The following ADGRD1 variants were observed in gnomAD, a reference collection of about 807,000 sequenced individuals.
ADGRD1 encodes adhesion G protein-coupled receptor D1, also known as G-protein coupled receptor 133.
In ADGRD1, 77 loss-of-function variants were observed where a neutral mutation model predicts 113.4. The ratio of observed to expected loss-of-function variants is 0.68; its 90% confidence interval spans 0.57 to 0.82. The LOEUF (loss-of-function observed/expected upper bound fraction) is 0.82. ADGRD1 is among the 40% of genes least tolerant of loss of function. The pLI is 0.00. For missense variants in ADGRD1, 1,036 were observed against 1,139.1 expected, an observed-to-expected ratio of 0.91 and a Z score of 1.30; for synonymous variants, 474 against 475.0, an observed-to-expected ratio of 1.00 and a Z score of 0.03.
chr12:131,004,426 C>CCCCGGGCCGCCTGCGGTGCTCA, intron 11 of ADGRD1, 130 bp downstream of exon 11: 1 of 679,258 alleles, frequency 1.5e-6, no homozygotes, highest in Admixed American at 2.3e-5. Context: ...TGCGGTGCTC[C>CCCCGGGCCGCCTGCGGTGCTCA]CCCGGACTGC....
At chr12:131,092,669 C>T (rs1886990411) in intron 15 of ADGRD1, among the ~76,000 whole-genome samples, 1 of 152,142 alleles carries the variant, frequency 6.6e-6, no homozygotes, top group Admixed American at 6.5e-5. Flanking sequence ...TGTGCCAGTA[C>T]AGGAGCACCT....
chr12:130,971,509 G>GAGTC lies in ADGRD1; in HGVS notation c.241_244dup (p.Thr82SerfsTer23), dbSNP rs1871652738. On this transcript the variant is annotated frameshift_variant, in exon 4 of 25. Transcript: ENST00000261654. LOFTEE classifies it high-confidence loss of function. This position sits in a 1 kb window ranked among gnomAD's most constrained non-coding sequence, Gnocchi z 4.2. The stretch of plus-strand genomic sequence containing the variant: ...GGCATTTACCTGAAAGAGGAAAAGG[G>GAGTC]AGTCACGCTTCTCTATTACGGCAGG... 2 of 1,613,534 alleles carry GAGTC rather than the reference G, an allele frequency of 1.2e-6. No individual in the cohort carries two copies. Among genetic ancestry groups the GAGTC allele is most frequent in the African/African-American group, 2.7e-5 (2 of 74,902 alleles).
At chr12:131,007,697 T>C (rs1037089777) in intron 12 of ADGRD1, among the ~76,000 whole-genome samples, 39 of 152,250 alleles carry the variant, frequency 2.6e-4, no homozygotes, top group Non-Finnish European at 4.4e-5. Context: ...TCATCCCTGG[T>C]TCGTCAGCAT....
At chr12:131,028,797 G>A (rs1237736233) in intron 13 of ADGRD1, among the ~76,000 whole-genome samples, 1 of 152,214 alleles carries the variant, frequency 6.6e-6, no homozygotes, top group Non-Finnish European at 1.5e-5. Flanking sequence ...TTTGCATGCC[G>A]GTACGATTGC....
Position 130,983,078 on chromosome 12 carries a change from C to T in ADGRD1, c.490+1015C>T, listed in dbSNP as rs117677347. Among the ~76,000 whole-genome samples the T allele has an allele frequency of 9.2e-3, 1,408 of 152,294 alleles. 8 individuals carry two copies. The highest frequency in any genetic ancestry group is 0.019 in the East Asian group (99 of 5,184). On this transcript the variant is annotated intron_variant, in intron 5 of 24. Transcript: ENST00000261654. ...GACCCAAACAGGCTGGATCAAATCC[C>T]GCCTCTGGACGTTGGTAGTTGTGTG... is the stretch of plus-strand genomic sequence containing the variant.
At chr12:130,968,915 G>T in intron 3 of ADGRD1, 1 of 894,450 alleles carries the variant, frequency 1.1e-6, no homozygotes. Context: ...GAGATATGTT[G>T]GTCCCATTTG....
At position 131,080,940 on chromosome 12, in the gene ADGRD1, T is replaced by C. The variant is rs142353540; in HGVS notation, c.1548-3600T>C. ...CGGCCTAGTTTTATGAATTTTTCTT[T>C]AATGAATTTTGAAGTTCTGTTATTA... On this transcript the variant is annotated intron_variant, in intron 14 of 24. Coordinates refer to ENST00000261654, the MANE Select transcript of ADGRD1 (RefSeq NM_198827.5). 4.9e-3 allele frequency among the ~76,000 whole-genome samples: 747 copies of C among 152,334 alleles called. 11 individuals carry two copies. Among genetic ancestry groups the C allele is most frequent in the African/African-American group, 0.016 (658 of 41,578 alleles).
chr12:131,123,809 G>C (rs1048539037), intron 20 of ADGRD1, among the ~76,000 whole-genome samples: 2 of 149,406 alleles, frequency 1.3e-5, no homozygotes, highest in Non-Finnish European at 3.0e-5. Context: ...CTGGGCAACA[G>C]AGTGAGACTC....
chr12:131,043,613 T>C (rs1459974838), intron 13 of ADGRD1, among the ~76,000 whole-genome samples: 1 of 152,184 alleles, frequency 6.6e-6, no homozygotes, highest in African/African-American at 2.4e-5. Flanking sequence ...CTGAGGGCCA[T>C]GGGGTGCCCA....
In ADGRD1 at chr12:130,992,045, C is replaced by T. The variant is rs141324715; in HGVS notation, c.811-192C>T. ...CTGAGGCAAGAGACTCGCTTGAACC[C>T]GGGAGGCAGAGGCTGCAGTGAGCCG... On this transcript the variant is annotated intron_variant, in intron 7 of 24. Transcript: ENST00000261654. Among the ~76,000 whole-genome samples the T allele has an allele frequency of 2.8e-3, 429 of 151,358 alleles. 18 individuals carry two copies. In the East Asian group the frequency reaches 0.052, roughly 18 times the overall value.
At chr12:130,970,217 G>A (rs1230164616) in intron 3 of ADGRD1, 3 of 152,306 alleles carry the variant, frequency 2.0e-5, no homozygotes, top group East Asian at 3.9e-4. Flanking sequence ...ATAGAAGCCA[G>A]TTCTGACCCT....
intron 20 of ADGRD1, among the ~76,000 whole-genome samples, chr12:131,128,548 A>T (rs1725791): frequency 0.62 from 93,900 of 151,544 alleles, 30,097 homozygotes; most frequent in Non-Finnish European, 0.72. Context: ...AATCTGATTT[A>T]TGAAATGGCA....
chr12:130,998,870 TTAGC>T (rs1383758258), intron 8 of ADGRD1, among the ~76,000 whole-genome samples: 1 of 152,212 alleles, frequency 6.6e-6, no homozygotes, highest in Non-Finnish European at 1.5e-5. Context: ...GAGGCAGTGA[TTAGC>T]TACGTGTGGC....
rs1381774517 is a variant in ADGRD1 at position 131,004,288 on chromosome 12, A to G, written c.1247A>G (p.His416Arg). 4 of 1,609,492 alleles carry G rather than the reference A, an allele frequency of 2.5e-6. No homozygotes were observed. Among genetic ancestry groups the G allele is most frequent in the South Asian group, 2.2e-5 (2 of 90,958 alleles). ...SFIQIPHEAF[H>R]RHAWSTVVGL... ...ATCCAGATCCCCCACGAGGCCTTCC[A>G]CAGGCACGGTGAGTGTGGCTGCGCT... Residue 416 changes from histidine to arginine, a missense_variant, in exon 11 of 25, where the codon CAC becomes CGC. By Grantham distance (29) the His-to-Arg change is conservative. Transcript: ENST00000261654.
chr12:130,960,235 G>A (rs965094890), intron 2 of ADGRD1, among the ~76,000 whole-genome samples: 12 of 152,210 alleles, frequency 7.9e-5, no homozygotes, highest in African/African-American at 2.9e-4. Flanking sequence ...TCCTGGTCCT[G>A]GGGCACATGG....
At chr12:131,067,122 A>T (rs1884785011) in intron 13 of ADGRD1, among the ~76,000 whole-genome samples, 1 of 152,030 alleles carries the variant, frequency 6.6e-6, no homozygotes, top group Non-Finnish European at 1.5e-5. Context: ...GGGCTCAAAA[A>T]GTTGAAGGAC....
In ADGRD1 at chr12:130,954,273, T is replaced by C; in HGVS notation, c.-193T>C. On this transcript the variant is annotated 5_prime_UTR_variant, in exon 1 of 25. Transcript: ENST00000261654. The surrounding 1 kb of genome is among the most constrained non-coding windows in gnomAD (Gnocchi z 4.7). ...TTATTGATCACTGAAGAATCTCAAG[T>C]TTTGAGACGAGGAAGAAACACCCAT... is the stretch of plus-strand genomic sequence containing the variant. 1.9e-6 allele frequency: 1 copy of C among 515,602 alleles called. No individual in the cohort carries two copies. The highest frequency in any genetic ancestry group is 3.6e-5 in the Admixed American group (1 of 27,596). 31.9% of individuals were successfully genotyped at this position (515,602 alleles called of 1,614,324 possible).
At chr12:130,990,812 G>A in intron 6 of ADGRD1, 1 of 494,846 alleles carries the variant, frequency 2.0e-6, no homozygotes, top group Non-Finnish European at 3.6e-6. Flanking sequence ...GAAAAGTAAT[G>A]TGACCTGGGA....
intron 17 of ADGRD1, among the ~76,000 whole-genome samples, chr12:131,108,089 G>A (rs917871404): frequency 2.6e-5 from 4 of 152,208 alleles, no homozygotes; most frequent in Admixed American, 2.0e-4. Context: ...GGGCCTCCAG[G>A]CCCCAGGCAA....
Sources: allele counts gnomAD v4.1 joint callset (sites outside exome capture counted in the v4.1 genomes callset), GRCh38; gene constraint gnomAD v4.1.1; non-coding constraint Gnocchi (gnomAD v3.1); transcripts MANE v1.5; gene names NCBI Gene and HGNC (gene_info 2026-07-23, HGNC 2026-07-21).